Variants in DLG2 observed in about 807,000 individuals in gnomAD.
DLG2 encodes the protein disks large homolog 2.
Under a neutral mutation model 132.5 loss-of-function variants are expected in DLG2, and 45 were observed. The ratio of observed to expected loss-of-function variants is 0.34; its 90% CI spans 0.27 to 0.44. The LOEUF is 0.44. DLG2 is among the 20% of genes least tolerant of loss of function. The pLI is 1.00. For synonymous variants in DLG2, 424 were observed against 419.6 expected (o/e 1.01, Z -0.13); for missense variants, 1,045 against 1,196.9 (o/e 0.87, Z 1.87).
intron 7 of DLG2, among the ~76,000 whole-genome samples, chr11:84,402,351 T>C (rs1650536605): frequency 6.6e-6 from 1 of 152,108 alleles, no homozygotes; most frequent in African/African-American, 2.4e-5. Context: ...CATTGAATGG[T>C]TAAGATCTGG....
At chr11:84,252,136 CTTTCTTTT>C (rs2097388925) in intron 7 of DLG2, among the ~76,000 whole-genome samples, 1 of 101,072 alleles carries the variant, frequency 9.9e-6, no homozygotes, top group Non-Finnish European at 2.0e-5. Context: ...TATTTTCTTT[CTTTCTTTT>C]TTTTTTTTTT....
At chr11:84,465,995 T>C (rs2099093340) in intron 7 of DLG2, among the ~76,000 whole-genome samples, 1 of 151,246 alleles carries the variant, frequency 6.6e-6, no homozygotes, top group African/African-American at 2.4e-5. Context: ...ACTACTCAGA[T>C]TGAATACAGA....
chr11:83,701,134 C>A (rs1356626220), intron 18 of DLG2, among the ~76,000 whole-genome samples: 1 of 152,054 alleles, frequency 6.6e-6, no homozygotes, highest in Admixed American at 6.6e-5. Flanking sequence ...TGATGAGAAA[C>A]CCCCTTTGGG....
chr11:84,701,248 C>G (rs930160564), intron 6 of DLG2, among the ~76,000 whole-genome samples: 22 of 151,526 alleles, frequency 1.5e-4, no homozygotes, highest in Admixed American at 1.2e-3. Flanking sequence ...AAGACTATTT[C>G]TTCTGTTTCA....
chr11:85,083,669 C>T (rs76429890), intron 6 of DLG2, among the ~76,000 whole-genome samples: 1 of 152,042 alleles, frequency 6.6e-6, no homozygotes, highest in Non-Finnish European at 1.5e-5. Flanking sequence ...TTCTGGTTAG[C>T]AATTGGTTTT....
chr11:83,745,135 G>C (rs948231215), intron 18 of DLG2, among the ~76,000 whole-genome samples: 1 of 152,120 alleles, frequency 6.6e-6, no homozygotes, highest in African/African-American at 2.4e-5. Flanking sequence ...TGCTCATCCT[G>C]AGGTTCTTTT....
chr11:84,795,559 T>A (rs2074475054), intron 6 of DLG2, among the ~76,000 whole-genome samples: 1 of 152,074 alleles, frequency 6.6e-6, no homozygotes, highest in Non-Finnish European at 1.5e-5. Context: ...TTGATCATCC[T>A]CCGCTTGTCT....
chr11:85,032,188 T>C (rs1258638160), intron 6 of DLG2, among the ~76,000 whole-genome samples: 1 of 152,122 alleles, frequency 6.6e-6, no homozygotes, highest in African/African-American at 2.4e-5. Context: ...TCATACCATA[T>C]TTATTCATTA....
intron 5 of DLG2, among the ~76,000 whole-genome samples, chr11:85,123,813 A>G (rs541196076): frequency 3.3e-5 from 5 of 152,338 alleles, no homozygotes; most frequent in African/African-American, 1.2e-4. Context: ...AAACAGAGAT[A>G]TGAGGGGCAA....
At chr11:83,653,558 T>C (rs2071300164) in intron 18 of DLG2, among the ~76,000 whole-genome samples, 1 of 152,226 alleles carries the variant, frequency 6.6e-6, no homozygotes, top group Non-Finnish European at 1.5e-5. Flanking sequence ...GTACATGTCA[T>C]ATCCATGCAT....
intron 17 of DLG2, chr11:83,791,030 C>G (rs997530345): frequency 1.3e-6 from 1 of 755,082 alleles, no homozygotes; most frequent in Non-Finnish European, 2.3e-6. Context: ...GTTCCTGGCA[C>G]GCGGTCTCAG....
At chr11:85,394,845 G>C (rs904269879) in intron 3 of DLG2, among the ~76,000 whole-genome samples, 1 of 152,120 alleles carries the variant, frequency 6.6e-6, no homozygotes, top group Non-Finnish European at 1.5e-5. Flanking sequence ...ACTGTTCTTA[G>C]TGTAAGAACA....
At chr11:83,628,709 A>G (rs2063046661) in intron 19 of DLG2, among the ~76,000 whole-genome samples, 1 of 152,126 alleles carries the variant, frequency 6.6e-6, no homozygotes, top group South Asian at 2.1e-4. Context: ...TACAACACCA[A>G]GGGTCTAAGG....
At chr11:85,265,860 A>T (rs1001626146) in intron 4 of DLG2, among the ~76,000 whole-genome samples, 2 of 152,136 alleles carry the variant, frequency 1.3e-5, no homozygotes, top group African/African-American at 4.8e-5. Flanking sequence ...TGCCATTCCC[A>T]TTCCCTTTCC....
intron 7 of DLG2, among the ~76,000 whole-genome samples, chr11:84,268,750 C>T (rs565248595): frequency 5.3e-5 from 8 of 152,194 alleles, no homozygotes; most frequent in Middle Eastern, 6.8e-3. Flanking sequence ...CGTGAGCCAC[C>T]GCGCCCGGCC....
At chr11:84,306,465 A>G (rs1451073723) in intron 7 of DLG2, among the ~76,000 whole-genome samples, 2 of 152,206 alleles carry the variant, frequency 1.3e-5, no homozygotes, top group African/African-American at 2.4e-5. Flanking sequence ...AAAATGGGGA[A>G]CAACTGACAA....
intron 18 of DLG2, among the ~76,000 whole-genome samples, chr11:83,758,649 C>T (rs1318134748): frequency 6.6e-6 from 1 of 152,072 alleles, no homozygotes; most frequent in Non-Finnish European, 1.5e-5. Context: ...ATCTCATAGG[C>T]ATGCTTTGAG....
At chr11:83,830,454 G>A (rs2054167635) in intron 17 of DLG2, among the ~76,000 whole-genome samples, 1 of 152,186 alleles carries the variant, frequency 6.6e-6, no homozygotes, top group Admixed American at 6.5e-5. Context: ...AACAGAGTTA[G>A]AGAGTCTAAT....
At chr11:83,478,904 T>C (rs571463935) in intron 22 of DLG2, among the ~76,000 whole-genome samples, 1 of 152,098 alleles carries the variant, frequency 6.6e-6, no homozygotes, top group African/African-American at 2.4e-5. Flanking sequence ...TCTTCTTGGC[T>C]TAGTTTCTTG....
Sources: allele counts gnomAD v4.1 joint callset (sites outside exome capture counted in the v4.1 genomes callset), GRCh38; gene constraint gnomAD v4.1.1; transcripts MANE v1.5; gene names NCBI Gene and HGNC (gene_info 2026-07-23, HGNC 2026-07-21).